DNAJC25: variants seen among roughly 807,000 people sequenced by gnomAD.
DNAJC25 encodes dnaJ homolog subfamily C member 25.
In DNAJC25, 26 loss-of-function variants were observed where a neutral mutation model predicts 42.1. The ratio of observed to expected loss-of-function variants is 0.62; its 90% CI spans 0.45 to 0.86. DNAJC25 has a LOEUF of 0.86. Among genes scored for constraint, DNAJC25 ranks in the 40% least tolerant of loss-of-function variants. The pLI is 0.00. For synonymous variants in DNAJC25, 189 were observed against 179.9 expected (o/e 1.05, Z -0.40); for missense variants, 404 against 459.4 (o/e 0.88, Z 1.10).
intron 3 of DNAJC25, among the ~76,000 whole-genome samples, chr9:111,650,542 C>T (rs1005744973): frequency 6.6e-6 from 1 of 152,232 alleles, no homozygotes; most frequent in Non-Finnish European, 1.5e-5. Flanking sequence ...ACCTAGCCAT[C>T]ATGTTAAAGG....
At chr9:111,641,798 A>G (rs1478001512) in intron 1 of DNAJC25, among the ~76,000 whole-genome samples, 1 of 70,814 alleles carries the variant, frequency 1.4e-5, no homozygotes. Context: ...CCCGTCCGGG[A>G]GGGAGGTGGG....
In DNAJC25 at chr9:111,649,593, CA is replaced by C; in HGVS notation, c.633del (p.Glu212LysfsTer11). On this transcript the variant is annotated frameshift_variant, in exon 3 of 4. Coordinates refer to ENST00000313525, the MANE Select transcript of DNAJC25 (RefSeq NM_001015882.3). LOFTEE classifies it high-confidence loss of function. ...AAGAAAAAGGCAAAAACAAAAAGTC[CA>C]AAGAAGAAATTCGTGACGAGGAGGA... ...AKEKGKNKKS[K>X]EEIRDEEENI... The C allele has an allele frequency of 6.2e-7, 1 of 1,613,876 alleles. No individual in the cohort carries two copies. Among genetic ancestry groups the C allele is most frequent in the South Asian group, 1.1e-5 (1 of 91,058 alleles).
At position 111,649,574 on chromosome 9, in the gene DNAJC25, A is replaced by G; in HGVS notation, c.611A>G (p.Lys204Arg). The G allele has an allele frequency of 6.2e-7, 1 of 1,614,166 alleles. No individual in the cohort carries two copies. The highest frequency in any genetic ancestry group is 8.5e-7 in the Non-Finnish European group (1 of 1,180,016). Residue 204 changes from lysine to arginine, a missense_variant, in exon 3 of 4, where the codon AAA becomes AGA. By Grantham distance (26) the Lys-to-Arg change is conservative. Coordinates refer to ENST00000313525, the MANE Select transcript of DNAJC25 (RefSeq NM_001015882.3). ...GGACTGCTCAAAAAAGCCAAAGAAA[A>G]AGGCAAAAACAAAAAGTCCAAAGAA... ...QQGLLKKAKE[K>R]GKNKKSKEEI...
rs545390152 is a variant in DNAJC25, at chr9:111,653,292, A to C, written c.*70A>C. The C allele has an allele frequency of 2.0e-4, 277 of 1,397,446 alleles. 2 individuals are homozygous for C. The East Asian group carries it at 7.2e-3, about 36-fold the overall frequency. The allele number at this position is 1,397,446 out of a possible 1,614,324, so 86.6% of individuals were successfully genotyped here. A position where few individuals can be genotyped will look rare whatever the true frequency, so the allele number is the denominator to read the frequency against. On this transcript the variant is annotated 3_prime_UTR_variant, in exon 4 of 4. Coordinates refer to ENST00000313525, the MANE Select transcript of DNAJC25 (RefSeq NM_001015882.3). ...TTTTCATAACTGAATTATTTTAGAA[A>C]TGTATCAATTGACTGCTGCTCAGCA...
At chr9:111,637,202 T>C (rs1018292462) in intron 1 of DNAJC25, among the ~76,000 whole-genome samples, 1 of 152,186 alleles carries the variant, frequency 6.6e-6, no homozygotes, top group African/African-American at 2.4e-5. Context: ...TATTTCTAGG[T>C]TGGGAGCCTG....
In DNAJC25 at chr9:111,631,738, C is replaced by T. The variant is rs1451892812; in HGVS notation, c.331C>T (p.Leu111Phe). ...GCTGGTGGCAACCGCCTACGAGACA[C>T]TCAAGGTGAGGCCTGCGGGCGTGGA... ...FLLVATAYETLKDEETRKDYD... is the reference protein window; with the variant it reads ...FLLVATAYETFKDEETRKDYD... The change falls in exon 1 of 4, where the codon CTC becomes TTC. Residue 111 changes from leucine (L) to phenylalanine (F), a missense_variant. Transcript: ENST00000313525. 3.3e-6 allele frequency: 5 copies of T among 1,517,296 alleles called. No individual in the cohort carries two copies. The highest frequency in any genetic ancestry group is 2.0e-5 in the Admixed American group (1 of 49,590). The allele number at this position is 1,517,296 out of a possible 1,614,324, so 94.0% of individuals were successfully genotyped here.
chr9:111,639,581 A>G (rs963469723), intron 1 of DNAJC25, among the ~76,000 whole-genome samples: 3 of 152,028 alleles, frequency 2.0e-5, no homozygotes, highest in Non-Finnish European at 4.4e-5. Context: ...AAAAAAATGA[A>G]ATGGGTAGCA....
chr9:111,653,037 A>G lies in DNAJC25; in HGVS notation c.961-63A>G, dbSNP rs542897456. On this transcript the variant is annotated intron_variant, in intron 3 of 3. Coordinates refer to ENST00000313525, the MANE Select transcript of DNAJC25 (RefSeq NM_001015882.3). ...TATGTTAGAAAAATGTAAATATGCC[A>G]TAAAGCTAATGGCAAATGTTCCTCT... 7.0e-6 allele frequency: 10 copies of G among 1,435,214 alleles called. No individual in the cohort carries two copies. The South Asian group carries it at 1.4e-4, about 20-fold the overall frequency. 88.9% of individuals were successfully genotyped at this position (1,435,214 alleles called of 1,614,324 possible).
chr9:111,641,819 C>A (rs1830475970), intron 1 of DNAJC25, among the ~76,000 whole-genome samples: 11 of 107,246 alleles, frequency 1.0e-4, no homozygotes, highest in Admixed American at 4.8e-4. Context: ...GGGGGTCAGC[C>A]CCCCCGCCCG....
chr9:111,640,692 A>G (rs1830440670), intron 1 of DNAJC25, among the ~76,000 whole-genome samples: 2 of 52,450 alleles, frequency 3.8e-5, no homozygotes, highest in Non-Finnish European at 6.3e-5. Context: ...CTGCCTGGCA[A>G]CCACCCCGTC....
At position 111,653,424 on chromosome 9, in the gene DNAJC25, TC is replaced by T. The variant is rs1830695317; in HGVS notation, c.*203del. ...ATTTATGATTGTTCAATTTTTATAATCTATTTGTGGATTTTGTTAAAAGATT... is the reference window on the plus strand; with the variant it reads ...ATTTATGATTGTTCAATTTTTATAATTATTTGTGGATTTTGTTAAAAGATT... On this transcript the variant is annotated 3_prime_UTR_variant, in exon 4 of 4. Coordinates refer to ENST00000313525, the MANE Select transcript of DNAJC25 (RefSeq NM_001015882.3). The T allele has an allele frequency of 5.9e-6, 3 of 507,404 alleles. No individual in the cohort carries two copies. Among genetic ancestry groups the T allele is most frequent in the Non-Finnish European group, 8.8e-6 (3 of 339,224 alleles). The allele number at this position is 507,404 out of a possible 1,614,324, so 31.4% of individuals were successfully genotyped here.
At position 111,634,823 on chromosome 9, in the gene DNAJC25, A is replaced by C. The variant is rs936169211; in HGVS notation, c.336+3080A>C. On this transcript the variant is annotated intron_variant, in intron 1 of 3. Transcript: ENST00000313525. ...GAAGATATGACATTTGATCATCACT[A>C]TTTTAGCAAAAAGATTTTACCTGTG... Among the ~76,000 whole-genome samples the C allele has an allele frequency of 2.0e-5, 3 of 152,104 alleles. No homozygotes were observed. In the South Asian group the frequency reaches 6.2e-4, roughly 31 times the overall value.
Position 111,649,614 on chromosome 9 carries a change from G to C in DNAJC25, c.651G>C (p.Glu217Asp). Residue 217 changes from glutamate (E) to aspartate (D), a missense_variant, in exon 3 of 4, where the codon GAG (glutamate) becomes GAC (aspartate). Physicochemically the swap from Glu to Asp is conservative, Grantham distance 45. Transcript: ENST00000313525. ...NKKSKEEIRD[E>D]EENIIKNIIK... ...AGTCCAAAGAAGAAATTCGTGACGA[G>C]GAGGAGAACATCATAAAGAACATTA... The C allele has an allele frequency of 6.2e-7, 1 of 1,613,996 alleles. No individual in the cohort carries two copies. Among genetic ancestry groups the C allele is most frequent in the Non-Finnish European group, 8.5e-7 (1 of 1,179,982 alleles).
chr9:111,653,936 T>C lies in DNAJC25; in HGVS notation c.*714T>C, dbSNP rs1326723130. The C allele has an allele frequency of 6.6e-6, 1 of 152,622 alleles. No individual in the cohort carries two copies. The highest frequency in any genetic ancestry group is 2.4e-5 in the African/African-American group (1 of 41,446). The allele number at this position is 152,622 out of a possible 1,614,324, so 9.5% of individuals were successfully genotyped here. On this transcript the variant is annotated 3_prime_UTR_variant, in exon 4 of 4. Coordinates refer to ENST00000313525, the MANE Select transcript of DNAJC25 (RefSeq NM_001015882.3). The stretch of plus-strand genomic sequence containing the variant: ...TGATTATAGTCTTATTATAGGACTA[T>C]AACTGTATTCTCAACATTTCTCCAG...
At chr9:111,646,033 A>G (rs12380034) in intron 1 of DNAJC25, among the ~76,000 whole-genome samples, 1,656 of 152,344 alleles carry the variant, frequency 0.011, 32 homozygotes, top group African/African-American at 0.038. Context: ...TTGGCCTTCC[A>G]AAGTGTTGGG....
chr9:111,649,370 A>G (rs1830614205), intron 2 of DNAJC25, 83 bp from the exon 3 acceptor site: 2 of 1,443,466 alleles, frequency 1.4e-6, no homozygotes, highest in Admixed American at 6.0e-5. Flanking sequence ...GGGAGATGGT[A>G]TTCACCGAGA....
intron 1 of DNAJC25, among the ~76,000 whole-genome samples, chr9:111,646,302 A>C (rs1830567233): frequency 6.6e-6 from 1 of 152,236 alleles, no homozygotes. Context: ...GAAATTGATT[A>C]GAATCAGAGA....
chr9:111,651,121 G>A (rs13289100), intron 3 of DNAJC25, among the ~76,000 whole-genome samples: 34,598 of 151,688 alleles, frequency 0.23, 4,745 homozygotes, highest in East Asian at 0.4. Context: ...AAAATTAGCT[G>A]GGCCTGGTGG....
chr9:111,653,453 A>G lies in DNAJC25; in HGVS notation c.*231A>G, dbSNP rs531015273. ...TTTGTGGATTTTGTTAAAAGATTTC[A>G]CATGAAGATTTATTAGTTGCCATTT... On this transcript the variant is annotated 3_prime_UTR_variant, in exon 4 of 4. Transcript: ENST00000313525. The G allele has an allele frequency of 1.2e-5, 5 of 401,170 alleles. No individual in the cohort carries two copies. In the East Asian group the frequency reaches 1.5e-4, roughly 12 times the overall value. 24.9% of individuals were successfully genotyped at this position (401,170 alleles called of 1,614,324 possible). A position where few individuals can be genotyped will look rare whatever the true frequency, so the allele number is the denominator to read the frequency against.
Sources: gnomAD v4.1 joint callset for allele counts (sites outside exome capture counted in the v4.1 genomes callset) on GRCh38, gnomAD v4.1.1 for gene constraint, MANE v1.5 for transcripts, NCBI Gene and HGNC (gene_info 2026-07-23, HGNC 2026-07-21) for gene names.